The following SERPINB13 variants were observed in gnomAD, a reference collection of about 807,000 sequenced individuals.
The protein encoded by SERPINB13 is serpin family B member 13.
Under a neutral mutation model 31.2 loss-of-function variants are expected in SERPINB13, and 26 were observed. That is an observed-to-expected ratio of 0.83 (90% confidence interval 0.61 to 1.15). SERPINB13 has a LOEUF of 1.15. Among genes scored for constraint, SERPINB13 ranks in the 50% most tolerant of loss-of-function variants. SERPINB13 has a pLI of 0.00. For missense variants in SERPINB13, 510 were observed against 469.4 expected (o/e 1.09, Z -0.80); for synonymous variants, 191 against 172.4 (o/e 1.11, Z -0.85).
intron 3 of SERPINB13, among the ~76,000 whole-genome samples, chr18:63,590,529 CA>C (rs1911791904): frequency 6.6e-6 from 1 of 152,208 alleles, no homozygotes; most frequent in Non-Finnish European, 1.5e-5. Context: ...GGCTTCCTTT[CA>C]GGGTTTGCGC....
rs770682594 is a variant in SERPINB13, at chr18:63,594,357, A to T, written c.475A>T (p.Lys159Ter). The change falls in exon 6 of 8, where the codon AAA becomes TAA. Residue 159 changes from lysine to a stop codon, truncating the protein, a stop_gained and splice_region_variant. Transcript: ENST00000344731. LOFTEE classifies it high-confidence loss of function. ...NSWVESKTNE[K>*]IKDLFPDGSI... The stretch of plus-strand genomic sequence containing the variant: ...TTTTTCTGTTTCTTCATTTGCAGAA[A>T]AAATCAAGGACTTGTTCCCAGATGG... 2 of 1,613,506 alleles carry T rather than the reference A, an allele frequency of 1.2e-6. No homozygotes were observed. Among genetic ancestry groups the T allele is most frequent in the East Asian group, 4.5e-5 (2 of 44,864 alleles).
intron 3 of SERPINB13, among the ~76,000 whole-genome samples, chr18:63,590,904 G>A (rs1911811340): frequency 6.6e-6 from 1 of 152,268 alleles, no homozygotes; most frequent in South Asian, 2.1e-4. Flanking sequence ...TCATTTAATA[G>A]TTTGCCCAGA....
At chr18:63,592,061 CA>C (rs1288777565) in intron 3 of SERPINB13, among the ~76,000 whole-genome samples, 2 of 152,122 alleles carry the variant, frequency 1.3e-5, no homozygotes, top group African/African-American at 4.8e-5. Flanking sequence ...ATTTAGTGAG[CA>C]CTTTTATTTG....
Position 63,592,961 on chromosome 18 carries a change from C to A in SERPINB13, c.462C>A (p.Ser154Arg). The A allele has an allele frequency of 6.2e-7, 1 of 1,604,242 alleles. No individual in the cohort carries two copies. The highest frequency in any genetic ancestry group is 8.5e-7 in the Non-Finnish European group (1 of 1,173,628). The change falls in exon 5 of 8, where the codon AGC (serine) becomes AGA (arginine). Residue 154 changes from serine (S) to arginine (R), a missense_variant. Physicochemically the swap from Ser to Arg is moderately radical, Grantham distance 110. Transcript: ENST00000344731. ...SRKKINSWVE[S>R]KTNEKIKDLF... Reference sequence around the variant, plus strand: ...AGAAGATTAATTCCTGGGTTGAAAGCAAAACAAATGGTAGAGTATGGGTGG... The same window carrying A: ...AGAAGATTAATTCCTGGGTTGAAAGAAAAACAAATGGTAGAGTATGGGTGG...
In SERPINB13 at chr18:63,598,799, T is replaced by A. The variant is rs1912334969; in HGVS notation, c.*1436T>A. 6.6e-6 allele frequency: 1 copy of A among 152,218 alleles called. No homozygotes were observed. The highest frequency in any genetic ancestry group is 1.5e-5 in the Non-Finnish European group (1 of 68,026). 9.4% of individuals were successfully genotyped at this position (152,218 alleles called of 1,614,324 possible). A position where few individuals can be genotyped will look rare whatever the true frequency, so the allele number is the denominator to read the frequency against. ...CTAGGCTAGAAATTGCTGGGCCATA[T>A]GAAAAATCAATAGTTAGCTTTGTAA... On this transcript the variant is annotated 3_prime_UTR_variant, in exon 8 of 8. Coordinates refer to ENST00000344731, the MANE Select transcript of SERPINB13 (RefSeq NM_012397.4).
In SERPINB13 at chr18:63,592,345, A is replaced by C; in HGVS notation, c.226-3A>C. On this transcript the variant is annotated splice_region_variant and splice_polypyrimidine_tract_variant and intron_variant, in intron 3 of 7. Transcript: ENST00000344731. ...CTGTTGAGATTTTGTTTTAATTTTC[A>C]AGATTGAGAACACAGAAGCAGTACA... The C allele has an allele frequency of 6.2e-7, 1 of 1,603,874 alleles. No homozygotes were observed.
At chr18:63,588,411 G>A (rs924731843) in intron 1 of SERPINB13, among the ~76,000 whole-genome samples, 6 of 152,164 alleles carry the variant, frequency 3.9e-5, no homozygotes, top group East Asian at 1.9e-4. Context: ...ACCCTGCTCC[G>A]CGGGGAAATA....
At chr18:63,595,713 C>T (rs1478763742) in intron 7 of SERPINB13, among the ~76,000 whole-genome samples, 1 of 151,976 alleles carries the variant, frequency 6.6e-6, no homozygotes, top group Admixed American at 6.6e-5. Context: ...TCCTGGCTAA[C>T]ACGGTGAAAC....
At position 63,594,498 on chromosome 18, in the gene SERPINB13, G is replaced by A. The variant is rs774017029; in HGVS notation, c.615+1G>A. ...GGAAGAGAAATTTTGGATGAATAAGGTATGGCCCTTAGTTTATTTTCGTGA... is the reference window on the plus strand; with the variant it reads ...GGAAGAGAAATTTTGGATGAATAAGATATGGCCCTTAGTTTATTTTCGTGA... On this transcript the variant is annotated splice_donor_variant, in intron 6 of 7. Transcript: ENST00000344731. LOFTEE classifies it high-confidence loss of function. 2 of 1,613,466 alleles carry A rather than the reference G, an allele frequency of 1.2e-6. No homozygotes were observed. Among genetic ancestry groups the A allele is most frequent in the Admixed American group, 1.7e-5 (1 of 59,948 alleles).
chr18:63,591,630 A>G (rs1260258518), intron 3 of SERPINB13, among the ~76,000 whole-genome samples: 4 of 152,154 alleles, frequency 2.6e-5, no homozygotes, highest in African/African-American at 9.7e-5. Context: ...TAGGTATAAA[A>G]TGCATATTAT....
chr18:63,588,407 C>T (rs1911635112), intron 1 of SERPINB13, among the ~76,000 whole-genome samples: 1 of 152,154 alleles, frequency 6.6e-6, no homozygotes, highest in Non-Finnish European at 1.5e-5. Flanking sequence ...ATTAACCCTG[C>T]TCCGCGGGGA....
Position 63,592,263 on chromosome 18 carries a change from G to T in SERPINB13, c.226-85G>T. The T allele has an allele frequency of 1.4e-6, 2 of 1,467,534 alleles. 1 individual carries two copies. The highest frequency in any genetic ancestry group is 3.6e-4 in the Middle Eastern group (2 of 5,518). The allele number at this position is 1,467,534 out of a possible 1,614,324, so 90.9% of individuals were successfully genotyped here. On this transcript the variant is annotated intron_variant, in intron 3 of 7. Transcript: ENST00000344731. Reference sequence around the variant, plus strand: ...CTTGAGGCTGACAAACGGAGGGAGAGACCCAGCAGCCGCATCCTCTTAGGG... The same window carrying T: ...CTTGAGGCTGACAAACGGAGGGAGATACCCAGCAGCCGCATCCTCTTAGGG...
chr18:63,593,287 C>T lies in SERPINB13; in HGVS notation c.472+316C>T, dbSNP rs193247487. Among the ~76,000 whole-genome samples the T allele has an allele frequency of 7.9e-5, 12 of 152,274 alleles. No homozygotes were observed. The East Asian group carries it at 2.1e-3, about 27-fold the overall frequency. ...AACGCTTGCTGGAGAACTGTTTACA[C>T]ATAGCCATGGATCACAATATCTTGG... On this transcript the variant is annotated intron_variant, in intron 5 of 7. Transcript: ENST00000344731.
Position 63,592,455 on chromosome 18 carries a change from A to T in SERPINB13, c.333A>T (p.Glu111Asp), listed in dbSNP as rs1911910437. Residue 111 changes from glutamate (E) to aspartate (D), a missense_variant, in exon 4 of 8, where the codon GAA (glutamate) becomes GAT (aspartate). Transcript: ENST00000344731. ...ELNITNRLFG[E>D]KTYLFLQKYL... ...ACATAACCAACAGGCTGTTTGGAGA[A>T]AAAACATACCTCTTCCTTCAAGTAA... 18 of 1,613,634 alleles carry T rather than the reference A, an allele frequency of 1.1e-5. No homozygotes were observed. The highest frequency in any genetic ancestry group is 1.5e-5 in the Non-Finnish European group (18 of 1,179,864).
chr18:63,594,708 G>T (rs1912059280), intron 6 of SERPINB13, among the ~76,000 whole-genome samples: 1 of 152,080 alleles, frequency 6.6e-6, no homozygotes, highest in African/African-American at 2.4e-5. Flanking sequence ...GTGTGGTGGT[G>T]CACGCCGGTA....
At chr18:63,590,533 G>C (rs920687358) in intron 3 of SERPINB13, among the ~76,000 whole-genome samples, 1 of 152,180 alleles carries the variant, frequency 6.6e-6, no homozygotes, top group Non-Finnish European at 1.5e-5. Flanking sequence ...TCCTTTCAGG[G>C]TTTGCGCAAC....
In SERPINB13 at chr18:63,598,463, T is replaced by C. The variant is rs952508909; in HGVS notation, c.*1100T>C. The C allele has an allele frequency of 2.0e-5, 3 of 152,204 alleles. No homozygotes were observed. The highest frequency in any genetic ancestry group is 4.4e-5 in the Non-Finnish European group (3 of 68,004). 9.4% of individuals were successfully genotyped at this position (152,204 alleles called of 1,614,324 possible). ...TCCTAGGCACCACTGAGTTGTTTTC[T>C]GTCTTTATAAGTTTTTCTTTCTACA... On this transcript the variant is annotated 3_prime_UTR_variant, in exon 8 of 8. Transcript: ENST00000344731.
At chr18:63,588,863 C>G in intron 2 of SERPINB13, 31 bp downstream of exon 2, 1 of 1,584,552 alleles carries the variant, frequency 6.3e-7, no homozygotes, top group Non-Finnish European at 8.6e-7. Flanking sequence ...TTCCTTGTTT[C>G]CTATGCACAA....
rs745371801 is a variant in SERPINB13, at chr18:63,592,445, T to C, written c.323T>C (p.Leu108Pro). 3 of 1,613,304 alleles carry C rather than the reference T, an allele frequency of 1.9e-6. No homozygotes were observed. The South Asian group carries it at 3.3e-5, about 18-fold the overall frequency. The change falls in exon 4 of 8, where the codon CTG (leucine) becomes CCG (proline). Residue 108 changes from leucine to proline, a missense_variant. By Grantham distance (98) the Leu-to-Pro change is moderately conservative (BLOSUM62 -3). Coordinates refer to ENST00000344731, the MANE Select transcript of SERPINB13 (RefSeq NM_012397.4). ...TATGAACTGAACATAACCAACAGGC[T>C]GTTTGGAGAAAAAACATACCTCTTC... is the stretch of plus-strand genomic sequence containing the variant. The part of the protein sequence containing the change: ...NDYELNITNR[L>P]FGEKTYLFLQ...
Sources: gnomAD v4.1 joint callset for allele counts (sites outside exome capture counted in the v4.1 genomes callset) on GRCh38, gnomAD v4.1.1 for gene constraint, MANE v1.5 for transcripts, NCBI Gene and HGNC (gene_info 2026-07-23, HGNC 2026-07-21) for gene names.